VTI1B: variants seen among roughly 807,000 people sequenced by gnomAD.
VTI1B encodes vesicle transport through interaction with t-SNAREs homolog 1B.
A neutral mutation model predicts 28.6 loss-of-function variants in VTI1B; 18 were observed. That is an observed-to-expected ratio of 0.63 (90% CI 0.43 to 0.93). The LOEUF (loss-of-function observed/expected upper bound fraction) is 0.93. Among genes scored for constraint, VTI1B ranks in the 40% least tolerant of loss-of-function variants. The pLI is 0.00. For synonymous variants in VTI1B, 100 were observed against 107.9 expected (o/e 0.93, Z 0.46); for missense variants, 283 against 297.0 (o/e 0.95, Z 0.35).
chr14:67,650,402 C>A lies in VTI1B; in HGVS notation c.*983G>T. On this transcript the variant is annotated 3_prime_UTR_variant, in exon 6 of 6. Coordinates refer to ENST00000554659, the MANE Select transcript of VTI1B (RefSeq NM_006370.3). ...TTTTGCCAACAAGCAGGATGAAAAC[C>A]TCCCCCACCCAACACCAAGCCTTTT... The A allele has an allele frequency of 3.0e-6, 1 of 329,390 alleles. No homozygotes were observed. The highest frequency in any genetic ancestry group is 4.1e-5 in the South Asian group (1 of 24,350). 20.4% of individuals were successfully genotyped at this position (329,390 alleles called of 1,614,324 possible).
intron 5 of VTI1B, 108 bp downstream of exon 5, chr14:67,653,329 C>G (rs1018045863): frequency 1.2e-6 from 1 of 851,482 alleles, no homozygotes; most frequent in Non-Finnish European, 1.9e-6. Flanking sequence ...AGGGACTATG[C>G]GTCAACTGCT....
chr14:67,667,345 T>C (rs891864805), intron 1 of VTI1B, among the ~76,000 whole-genome samples: 1 of 152,152 alleles, frequency 6.6e-6, no homozygotes, highest in African/African-American at 2.4e-5. Flanking sequence ...TGCCTCACTG[T>C]GGCAAAATGG....
Position 67,659,901 on chromosome 14 carries a change from G to T in VTI1B, c.196C>A (p.Leu66Ile), listed in dbSNP as rs2037314704. 5 of 1,613,728 alleles carry T rather than the reference G, an allele frequency of 3.1e-6. No individual in the cohort carries two copies. The East Asian group carries it at 1.1e-4, about 36-fold the overall frequency. The change falls in exon 3 of 6, where the codon CTA becomes ATA. Residue 66 changes from leucine (L) to isoleucine (I), a missense_variant. Physicochemically the swap from Leu to Ile is conservative, Grantham distance 5. Transcript: ENST00000554659. ...CGGAAAGACAGGGGTGCATAACGTA[G>T]CTCCTCCTCCATCTCTGCCAGCTGG... ...NETLAEMEEELRYAPLSFRNP... is the reference protein window; with the variant it reads ...NETLAEMEEEIRYAPLSFRNP...
At chr14:67,654,493 A>C (rs2037229720) in intron 4 of VTI1B, among the ~76,000 whole-genome samples, 2 of 152,118 alleles carry the variant, frequency 1.3e-5, no homozygotes, top group Admixed American at 1.3e-4. Context: ...AAACCCACAC[A>C]ATCTGTAAGC....
chr14:67,659,877 G>A lies in VTI1B; in HGVS notation c.220C>T (p.Arg74Ter), dbSNP rs1017957507. The A allele has an allele frequency of 2.5e-6, 4 of 1,614,150 alleles. No homozygotes were observed. The highest frequency in any genetic ancestry group is 2.2e-5 in the South Asian group (2 of 91,066). The change falls in exon 3 of 6, where the codon CGA (arginine) becomes TGA (stop). Residue 74 changes from arginine (R) to a stop codon, truncating the protein, a stop_gained. Transcript: ENST00000554659. LOFTEE classifies it high-confidence loss of function. ...EELRYAPLSF[R>*]NPMMSKLRNY... is the part of the protein sequence containing the mutation. ...CGAAGCTTAGACATCATGGGGTTTC[G>A]GAAAGACAGGGGTGCATAACGTAGC...
At position 67,653,392 on chromosome 14, in the gene VTI1B, A is replaced by C. The variant is rs756340613; in HGVS notation, c.602+45T>G. The C allele has an allele frequency of 7.0e-6, 11 of 1,573,654 alleles. 1 individual carries two copies. In the South Asian group the frequency reaches 1.2e-4, roughly 18 times the overall value. ...TCACTATTTTAAGCTTTTTGGTTGA[A>C]AGCCACTGAGTTAAGAGAAATTTCA... On this transcript the variant is annotated intron_variant, in intron 5 of 5. Coordinates refer to ENST00000554659, the MANE Select transcript of VTI1B (RefSeq NM_006370.3).
intron 4 of VTI1B, among the ~76,000 whole-genome samples, chr14:67,654,885 C>A (rs59922989): frequency 0.015 from 2,295 of 151,770 alleles, 71 homozygotes; most frequent in African/African-American, 0.052. Flanking sequence ...AAAAATTAGC[C>A]GGGTGTGGTG....
At chr14:67,673,531 C>T (rs1182246225) in intron 1 of VTI1B, among the ~76,000 whole-genome samples, 1 of 152,156 alleles carries the variant, frequency 6.6e-6, no homozygotes, top group Non-Finnish European at 1.5e-5. Flanking sequence ...GCACCTAGAA[C>T]GGTGCCTCAC....
chr14:67,674,547 AGCCCGGCGGTCAGCC>A lies in VTI1B; in HGVS notation c.-73_-59del. 1 of 1,461,490 alleles carries A rather than the reference AGCCCGGCGGTCAGCC, an allele frequency of 6.8e-7. No individual in the cohort carries two copies. 90.5% of individuals were successfully genotyped at this position (1,461,490 alleles called of 1,614,324 possible). ...GATTCGGGGCCCTGGGCCCTTTCCT[AGCCCGGCGGTCAGCC>A]GCCCAGCCCAGTGGCCATAACGGCG... On this transcript the variant is annotated 5_prime_UTR_variant, in exon 1 of 6. The change creates a premature stop within an existing upstream ORF in the 5' untranslated region. Transcript: ENST00000554659.
chr14:67,661,278 CAAAAAAAA>C (rs1208811725), intron 2 of VTI1B, among the ~76,000 whole-genome samples: 7 of 56,562 alleles, frequency 1.2e-4, no homozygotes, highest in South Asian at 1.1e-3. Context: ...AGGGCTAGAG[CAAAAAAAA>C]AAAAAAAAAA....
At chr14:67,655,213 T>C (rs2037239668) in intron 4 of VTI1B, among the ~76,000 whole-genome samples, 2 of 151,662 alleles carry the variant, frequency 1.3e-5, no homozygotes, top group African/African-American at 4.9e-5. Flanking sequence ...CAGTAGCACA[T>C]GCCTGTATCG....
chr14:67,653,500 TGAGAA>T lies in VTI1B; in HGVS notation c.541-7_541-3del, dbSNP rs2037215139. On this transcript the variant is annotated splice_region_variant and splice_polypyrimidine_tract_variant and intron_variant, in intron 4 of 5. Transcript: ENST00000554659. The stretch of plus-strand genomic sequence containing the variant: ...CAAGTTTTCACTTGTGTTTACCAGC[TGAGAA>T]GAGAAAATAGTGATTATTTCCCTCT... 5.0e-6 allele frequency: 8 copies of T among 1,613,314 alleles called. No homozygotes were observed. The highest frequency in any genetic ancestry group is 5.9e-6 in the Non-Finnish European group (7 of 1,179,308).
At chr14:67,664,519 C>CAA (rs1566815972) in intron 1 of VTI1B, among the ~76,000 whole-genome samples, 1 of 147,756 alleles carries the variant, frequency 6.8e-6, no homozygotes, top group East Asian at 2.0e-4. Flanking sequence ...TTTCTTGAGA[C>CAA]AGAGTCTTGC....
intron 3 of VTI1B, 109 bp from the exon 4 acceptor site, chr14:67,656,698 T>A (rs2037262747): frequency 1.6e-6 from 2 of 1,221,978 alleles, no homozygotes. Flanking sequence ...GAGCAATAAT[T>A]TTCATTCCTT....
intron 4 of VTI1B, among the ~76,000 whole-genome samples, chr14:67,655,138 G>A (rs1025506197): frequency 7.9e-5 from 12 of 151,392 alleles, no homozygotes; most frequent in Non-Finnish European, 1.8e-4. Flanking sequence ...CCAGGAGTTC[G>A]AGAGCAACTT....
At chr14:67,672,471 A>C (rs1221781938) in intron 1 of VTI1B, among the ~76,000 whole-genome samples, 1 of 115,636 alleles carries the variant, frequency 8.6e-6, no homozygotes, top group Admixed American at 1.0e-4. Flanking sequence ...TTTGATACAG[A>C]GTCTTGATCT....
At chr14:67,667,529 C>T (rs2037416175) in intron 1 of VTI1B, among the ~76,000 whole-genome samples, 1 of 152,188 alleles carries the variant, frequency 6.6e-6, no homozygotes, top group African/African-American at 2.4e-5. Context: ...AAATAATACA[C>T]ATAACATTCA....
At chr14:67,661,868 A>ATT (rs901036378) in intron 2 of VTI1B, among the ~76,000 whole-genome samples, 5 of 152,096 alleles carry the variant, frequency 3.3e-5, no homozygotes, top group African/African-American at 1.2e-4. Flanking sequence ...TTAAAAACAG[A>ATT]TTTTAGGCCA....
At chr14:67,656,072 C>T (rs1431553230) in intron 4 of VTI1B, among the ~76,000 whole-genome samples, 1 of 151,940 alleles carries the variant, frequency 6.6e-6, no homozygotes, top group Non-Finnish European at 1.5e-5. Context: ...ATGGCGAAAC[C>T]CCATCTCTAC....
Sources: allele counts gnomAD v4.1 joint callset (sites outside exome capture counted in the v4.1 genomes callset), GRCh38; gene constraint gnomAD v4.1.1; transcripts MANE v1.5; gene names NCBI Gene and HGNC (gene_info 2026-07-23, HGNC 2026-07-21).